SLIT3: variants seen among roughly 807,000 people sequenced by gnomAD.
SLIT3 encodes the protein slit guidance ligand 3.
In SLIT3, 68 loss-of-function variants were observed where a neutral mutation model predicts 184.0. That is an observed-to-expected ratio of 0.37 (90% CI 0.30 to 0.45). SLIT3 has a LOEUF of 0.45. SLIT3 is among the 20% of genes least tolerant of loss of function. The pLI is 1.00. For missense variants in SLIT3, 1,707 were observed against 2,026.0 expected (o/e 0.84, Z 3.02); for synonymous variants, 831 against 828.6 (o/e 1.00, Z -0.05).
chr5:169,203,445 GATCC>G (rs1371433990), intron 3 of SLIT3, among the ~76,000 whole-genome samples: 1 of 151,908 alleles, frequency 6.6e-6, no homozygotes, highest in East Asian at 1.9e-4. Flanking sequence ...GAGCTGGCCA[GATCC>G]ATTTCAGGCA....
At chr5:168,740,393 C>T (rs536283237) in intron 20 of SLIT3, among the ~76,000 whole-genome samples, 1 of 152,344 alleles carries the variant, frequency 6.6e-6, no homozygotes, top group South Asian at 2.1e-4. Context: ...AACAGCCTCT[C>T]ACACTCTGCC....
Position 168,696,366 on chromosome 5 carries a change from T to C in SLIT3, c.3008A>G (p.Asn1003Ser). Residue 1003 changes from asparagine (N) to serine (S), a missense_variant, in exon 28 of 36, where the codon AAC becomes AGC. Coordinates refer to ENST00000519560, the MANE Select transcript of SLIT3 (RefSeq NM_003062.4). ...GCAGGTGGCATTGTTTTCGCAGTCG[T>C]TGTCCTCACAGTCATCTGGGTTGAT... ...CEINPDDCED[N>S]DCENNATCVD... is the part of the protein sequence containing the mutation. The C allele has an allele frequency of 6.2e-7, 1 of 1,614,156 alleles. No individual in the cohort carries two copies. Among genetic ancestry groups the C allele is most frequent in the Non-Finnish European group, 8.5e-7 (1 of 1,180,032 alleles).
At chr5:168,693,020 T>C (rs533722466) in intron 28 of SLIT3, among the ~76,000 whole-genome samples, 1 of 152,326 alleles carries the variant, frequency 6.6e-6, no homozygotes, top group African/African-American at 2.4e-5. Context: ...TGCCTGGCCC[T>C]CACTTTGGGC....
chr5:168,692,501 A>T, intron 29 of SLIT3, 106 bp downstream of exon 29: 2 of 446,152 alleles, frequency 4.5e-6, no homozygotes, highest in South Asian at 3.5e-5. Context: ...GAAGCACATG[A>T]GAGAGAGAGA....
chr5:169,114,032 C>T (rs774710503), intron 4 of SLIT3, among the ~76,000 whole-genome samples: 13 of 152,182 alleles, frequency 8.5e-5, no homozygotes, highest in Non-Finnish European at 1.5e-4. Context: ...CAATAAGCGT[C>T]AGCTACTGTT....
chr5:168,992,366 G>A (rs1256452124), intron 4 of SLIT3, among the ~76,000 whole-genome samples: 1 of 152,198 alleles, frequency 6.6e-6, no homozygotes, highest in Non-Finnish European at 1.5e-5. Flanking sequence ...ATCTGAAGGA[G>A]GAGAAAGAAT....
At chr5:168,938,162 T>C (rs144861682) in intron 4 of SLIT3, among the ~76,000 whole-genome samples, 6 of 152,374 alleles carry the variant, frequency 3.9e-5, no homozygotes, top group Admixed American at 2.0e-4. Flanking sequence ...TTCTGATACA[T>C]ACATTTGCTG....
chr5:168,854,593 T>C (rs1158874311), intron 5 of SLIT3, among the ~76,000 whole-genome samples: 1 of 152,252 alleles, frequency 6.6e-6, no homozygotes, highest in Non-Finnish European at 1.5e-5. Flanking sequence ...CATAGTGCTC[T>C]CTTGGGCAGA....
At chr5:169,082,820 A>C (rs1759124998) in intron 4 of SLIT3, among the ~76,000 whole-genome samples, 1 of 152,202 alleles carries the variant, frequency 6.6e-6, no homozygotes, top group Non-Finnish European at 1.5e-5. Flanking sequence ...TTACATCAGC[A>C]ACTGTATGCA....
chr5:168,912,685 C>A (rs1309728182), intron 4 of SLIT3, among the ~76,000 whole-genome samples: 1 of 152,174 alleles, frequency 6.6e-6, no homozygotes, highest in Non-Finnish European at 1.5e-5. Context: ...ACACTTGAAT[C>A]TTTACTATGT....
At chr5:168,780,978 G>C (rs371228863) in intron 12 of SLIT3, among the ~76,000 whole-genome samples, 1 of 152,166 alleles carries the variant, frequency 6.6e-6, no homozygotes, top group East Asian at 1.9e-4. Flanking sequence ...AACACTCAAG[G>C]GGAAACAGGA....
intron 1 of SLIT3, among the ~76,000 whole-genome samples, chr5:169,270,004 T>C (rs1581123638): frequency 6.6e-6 from 1 of 152,034 alleles, no homozygotes; most frequent in Non-Finnish European, 1.5e-5. Flanking sequence ...TTGTGAAAAA[T>C]AGATCTCTAC....
At chr5:169,115,948 TG>T (rs1760647092) in intron 4 of SLIT3, among the ~76,000 whole-genome samples, 2 of 152,148 alleles carry the variant, frequency 1.3e-5, no homozygotes, top group South Asian at 4.2e-4. Flanking sequence ...CAACAGTCCT[TG>T]CCCTTAGGGT....
intron 4 of SLIT3, among the ~76,000 whole-genome samples, chr5:169,067,016 A>G (rs1293384229): frequency 6.6e-6 from 1 of 152,082 alleles, no homozygotes; most frequent in African/African-American, 2.4e-5. Flanking sequence ...TATTGGTAAT[A>G]AAACTAATTG....
chr5:169,205,398 C>G (rs1179081266), intron 3 of SLIT3, among the ~76,000 whole-genome samples: 1 of 152,196 alleles, frequency 6.6e-6, no homozygotes, highest in African/African-American at 2.4e-5. Flanking sequence ...TAATGTACTG[C>G]ATGGCCTTAG....
At chr5:169,254,301 C>A (rs985267909) in intron 1 of SLIT3, among the ~76,000 whole-genome samples, 3 of 152,080 alleles carry the variant, frequency 2.0e-5, no homozygotes, top group Non-Finnish European at 4.4e-5. Context: ...CTGTCCCGGC[C>A]CAGGCTCCTC....
At chr5:168,832,081 C>T (rs528287096) in intron 6 of SLIT3, among the ~76,000 whole-genome samples, 29 of 152,344 alleles carry the variant, frequency 1.9e-4, no homozygotes, top group Middle Eastern at 3.4e-3. Flanking sequence ...GCTCAACTGC[C>T]TTCCAATGAT....
chr5:169,168,631 G>A (rs1179329537), intron 4 of SLIT3, among the ~76,000 whole-genome samples: 3 of 152,090 alleles, frequency 2.0e-5, no homozygotes, highest in Admixed American at 6.5e-5. Flanking sequence ...AAACCAAACC[G>A]AATCTCTGGG....
chr5:169,045,595 T>G (rs1391416291), intron 4 of SLIT3, among the ~76,000 whole-genome samples: 1 of 152,188 alleles, frequency 6.6e-6, no homozygotes, highest in South Asian at 2.1e-4. Context: ...TATGTGTATA[T>G]GAGTATTTAC....
Sources: allele counts gnomAD v4.1 joint callset (sites outside exome capture counted in the v4.1 genomes callset), GRCh38; gene constraint gnomAD v4.1.1; transcripts MANE v1.5; gene names NCBI Gene and HGNC (gene_info 2026-07-23, HGNC 2026-07-21).